CFAP107: variants seen among roughly 807,000 people sequenced by gnomAD.
CFAP107 encodes cilia and flagella associated protein 107.
At chr1:12,763,178 T>C in the CFAP107 span, 1 of 151,678 alleles carries the variant, frequency 6.6e-6, no homozygotes, top group Non-Finnish European at 1.5e-5. Flanking sequence ...AGAGTGAGAC[T>C]CCATCCCAAA....
At chr1:12,753,219 G>T in the CFAP107 span, 3 of 151,886 alleles carry the variant, frequency 2.0e-5, no homozygotes, top group Non-Finnish European at 4.4e-5. Context: ...ATATAAAGAG[G>T]ACATAAATAA....
chr1:12,759,506 GT>G, the CFAP107 span: 40 of 1,613,864 alleles, frequency 2.5e-5, no homozygotes, highest in Non-Finnish European at 3.1e-5. Context: ...ATAATTCAGG[GT>G]ATTCCTCTGC....
At chr1:12,748,524 G>T in the CFAP107 span, among the ~76,000 whole-genome samples, 5 of 149,266 alleles carry the variant, frequency 3.3e-5, no homozygotes, top group African/African-American at 1.2e-4. Context: ...AAAGAGTTGA[G>T]AATATTTTAA....
At chr1:12,752,541 T>C in the CFAP107 span, among the ~76,000 whole-genome samples, 3 of 116,524 alleles carry the variant, frequency 2.6e-5, no homozygotes, top group Admixed American at 3.3e-4. Flanking sequence ...CACTTCAGCC[T>C]GGCCGACTCT....
the CFAP107 span, among the ~76,000 whole-genome samples, chr1:12,748,191 C>T: frequency 6.6e-6 from 1 of 152,112 alleles, no homozygotes; most frequent in Non-Finnish European, 1.5e-5. Flanking sequence ...CTGTCTGGGG[C>T]TGCCTGAGGG....
the CFAP107 span, among the ~76,000 whole-genome samples, chr1:12,752,443 G>A: frequency 6.6e-6 from 1 of 151,162 alleles, no homozygotes; most frequent in East Asian, 1.9e-4. Context: ...AAATTAGCTG[G>A]GCATAGTGGC....
chr1:12,747,892 A>C, the CFAP107 span, among the ~76,000 whole-genome samples: 1 of 152,244 alleles, frequency 6.6e-6, no homozygotes, highest in African/African-American at 2.4e-5. Flanking sequence ...TCAACAAGGT[A>C]GCAGACTAAG....
chr1:12,746,293 T>A, the CFAP107 span: 2,216 of 583,646 alleles, frequency 3.8e-3, 39 homozygotes, highest in African/African-American at 0.038. Context: ...TAGCAAGGAG[T>A]CATCTACTAG....
At chr1:12,754,231 T>C in the CFAP107 span, among the ~76,000 whole-genome samples, 1 of 152,328 alleles carries the variant, frequency 6.6e-6, no homozygotes, top group African/African-American at 2.4e-5. Context: ...GAATAGGTAT[T>C]TCTCCAAAGA....
the CFAP107 span, among the ~76,000 whole-genome samples, chr1:12,748,496 G>A: frequency 6.7e-6 from 1 of 150,266 alleles, no homozygotes; most frequent in Non-Finnish European, 1.5e-5. Context: ...CACAGGTCCA[G>A]GCAAGATGTA....
the CFAP107 span, among the ~76,000 whole-genome samples, chr1:12,750,045 T>TA: frequency 6.6e-6 from 1 of 152,214 alleles, no homozygotes; most frequent in Non-Finnish European, 1.5e-5. Context: ...TAAATCTATG[T>TA]AAATGAGTCT....
the CFAP107 span, chr1:12,759,710 T>A: frequency 1.3e-5 from 8 of 614,448 alleles, no homozygotes; most frequent in Non-Finnish European, 2.0e-5. Context: ...AGCCATCACC[T>A]GTGCCCCATG....
At chr1:12,762,125 T>C in the CFAP107 span, 1 of 152,280 alleles carries the variant, frequency 6.6e-6, no homozygotes, top group Admixed American at 6.5e-5. Context: ...GTCTCTGCCA[T>C]TGTTTTCACA....
the CFAP107 span, among the ~76,000 whole-genome samples, chr1:12,748,662 A>G: frequency 6.6e-6 from 1 of 152,044 alleles, no homozygotes; most frequent in African/African-American, 2.4e-5. Context: ...ATTTTCAACG[A>G]AAAATCACCA....
chr1:12,747,088 GAC>G, the CFAP107 span, among the ~76,000 whole-genome samples: 32 of 147,864 alleles, frequency 2.2e-4, no homozygotes, highest in African/African-American at 7.6e-4. Flanking sequence ...TTTTTTTTGA[GAC>G]AGAGTCTCGC....
the CFAP107 span, among the ~76,000 whole-genome samples, chr1:12,758,433 G>A: frequency 6.6e-6 from 1 of 152,120 alleles, no homozygotes; most frequent in Non-Finnish European, 1.5e-5. Context: ...ACACTATGGG[G>A]TACCTGGTGA....
At chr1:12,761,196 C>A in the CFAP107 span, 1 of 414,332 alleles carries the variant, frequency 2.4e-6, no homozygotes, top group South Asian at 5.7e-5. Flanking sequence ...GTGCACAAGA[C>A]AGATTCAGAC....
the CFAP107 span, among the ~76,000 whole-genome samples, chr1:12,750,478 T>G: frequency 1.3e-5 from 2 of 152,184 alleles, no homozygotes; most frequent in East Asian, 1.9e-4. Context: ...ATATGCTGCC[T>G]ACAAGAGAGT....
chr1:12,760,981 G>C, the CFAP107 span: 2 of 1,578,752 alleles, frequency 1.3e-6, no homozygotes, highest in South Asian at 1.2e-5. Flanking sequence ...AGCTCAGATA[G>C]AATCAGCTGG....
Sources: gnomAD v4.1 joint callset for allele counts (sites outside exome capture counted in the v4.1 genomes callset) on GRCh38, gnomAD v4.1.1 for gene constraint, MANE v1.5 for transcripts, NCBI Gene and HGNC (gene_info 2026-07-23, HGNC 2026-07-21) for gene names.